The following CEP290 variants were observed in gnomAD, a reference collection of about 807,000 sequenced individuals.
The protein encoded by CEP290 is centrosomal protein of 290 kDa.
Under a neutral mutation model 344.9 loss-of-function variants are expected in CEP290, and 317 were observed. The ratio of observed to expected loss-of-function variants is 0.92; its 90% CI spans 0.84 to 1.01. The LOEUF is 1.01. Among genes scored for constraint, CEP290 ranks in the 50% least tolerant of loss-of-function variants. The pLI is 0.00. For synonymous variants in CEP290, 932 were observed against 895.8 expected (o/e 1.04, Z -0.72); for missense variants, 2,754 against 2,761.4 (o/e 1.00, Z 0.06).
At chr12:88,117,695 A>G (rs1222728772) in intron 17 of CEP290, among the ~76,000 whole-genome samples, 1 of 152,196 alleles carries the variant, frequency 6.6e-6, no homozygotes, top group East Asian at 1.9e-4. Flanking sequence ...TAAACCCAAG[A>G]AAGATGTTAA....
chr12:88,125,494 G>T, intron 12 of CEP290, 125 bp from the exon 13 acceptor site: 1 of 385,354 alleles, frequency 2.6e-6, no homozygotes. Context: ...GTACAAGTAT[G>T]CCTTTTACCA....
Position 88,106,671 on chromosome 12 carries a change from G to A in CEP290, c.2817+4C>T, listed in dbSNP as rs768895932. On this transcript the variant is annotated splice_donor_region_variant and intron_variant, in intron 25 of 53. Coordinates refer to ENST00000552810, the MANE Select transcript of CEP290 (RefSeq NM_025114.4). ...AGAAAAAGCAAAATAAGAATCAGAT[G>A]TACCTTAAATCTTTGCAAACACCCA... 5.7e-6 allele frequency: 9 copies of A among 1,589,632 alleles called. No individual in the cohort carries two copies. The highest frequency in any genetic ancestry group is 1.4e-5 in the African/African-American group (1 of 74,008).
chr12:88,112,878 T>C (rs1027355453), intron 20 of CEP290, among the ~76,000 whole-genome samples: 4 of 152,082 alleles, frequency 2.6e-5, no homozygotes, highest in African/African-American at 4.8e-5. Context: ...TAGTTAGTTG[T>C]CTCATTGAGG....
chr12:88,125,363 G>A lies in CEP290; in HGVS notation c.1072C>T (p.Gln358Ter), dbSNP rs1592656929. Residue 358 changes from glutamine (Q) to a stop codon, truncating the protein, a stop_gained, in exon 13 of 54, where the codon CAG becomes TAG. Coordinates refer to ENST00000552810, the MANE Select transcript of CEP290 (RefSeq NM_025114.4). LOFTEE classifies it high-confidence loss of function. ...SNVMALQQGI[Q>*]ERDSQIKMLT... is the part of the protein sequence containing the mutation. ...ATCTTAATTTGACTGTCTCGTTCCT[G>A]TATACCCTATAAAATATTTTAAAAC... The A allele has an allele frequency of 2.3e-6, 3 of 1,290,904 alleles. No individual in the cohort carries two copies. Among genetic ancestry groups the A allele is most frequent in the Non-Finnish European group, 2.0e-6 (2 of 995,758 alleles). The allele number at this position is 1,290,904 out of a possible 1,614,324, so 80.0% of individuals were successfully genotyped here.
At chr12:88,132,649 CAAA>C (rs2040143551) in intron 6 of CEP290, among the ~76,000 whole-genome samples, 1 of 152,074 alleles carries the variant, frequency 6.6e-6, no homozygotes, top group African/African-American at 2.4e-5. Context: ...AAAATACTGA[CAAA>C]AAGATAAAGC....
Position 88,118,479 on chromosome 12 carries a change from A to G in CEP290, c.1711+4T>C. The G allele has an allele frequency of 6.5e-7, 1 of 1,549,106 alleles. No individual in the cohort carries two copies. The highest frequency in any genetic ancestry group is 8.7e-7 in the Non-Finnish European group (1 of 1,144,082). On this transcript the variant is annotated splice_donor_region_variant and intron_variant, in intron 17 of 53. Transcript: ENST00000552810. ...TTTTAAAGGTTTAGAATAACTGAGT[A>G]TACCTGAAGTTGCACTTCTTTTTCC...
intron 13 of CEP290, 75 bp from the exon 14 acceptor site, chr12:88,121,241 C>T (rs966042226): frequency 5.6e-6 from 6 of 1,079,178 alleles, no homozygotes; most frequent in Non-Finnish European, 8.0e-6. Flanking sequence ...AACATGGTGG[C>T]AAGAAAAGTG....
chr12:88,086,001 A>G (rs1221757138), intron 34 of CEP290, 38 bp downstream of exon 34: 1 of 1,569,160 alleles, frequency 6.4e-7, no homozygotes, highest in African/African-American at 1.4e-5. Context: ...AAACATACCA[A>G]ATAATACACT....
intron 11 of CEP290, among the ~76,000 whole-genome samples, chr12:88,126,913 A>G (rs1478258248): frequency 6.6e-6 from 1 of 152,120 alleles, no homozygotes; most frequent in Non-Finnish European, 1.5e-5. Flanking sequence ...TAACTTTAAC[A>G]CATACCCAAT....
intron 22 of CEP290, among the ~76,000 whole-genome samples, chr12:88,109,551 T>G (rs1305196192): frequency 6.6e-6 from 1 of 152,190 alleles, no homozygotes; most frequent in Admixed American, 6.5e-5. Flanking sequence ...AAATTGAAAT[T>G]TAAATAACTT....
intron 47 of CEP290, 77 bp downstream of exon 47, chr12:88,060,753 A>G: frequency 9.5e-7 from 1 of 1,057,528 alleles, no homozygotes. Context: ...TATAGTAATG[A>G]GCATATTTGA....
intron 51 of CEP290, 132 bp downstream of exon 51, chr12:88,054,208 G>A (rs1198378780): frequency 1.6e-6 from 1 of 613,072 alleles, no homozygotes; most frequent in Non-Finnish European, 2.8e-6. Flanking sequence ...AAGAAATAAG[G>A]ACCTAATAAG....
intron 23 of CEP290, 29 bp from the exon 24 acceptor site, chr12:88,107,127 T>C (rs752685778): frequency 9.2e-6 from 12 of 1,298,678 alleles, no homozygotes; most frequent in African/African-American, 3.0e-5. Context: ...AAAAAGACAA[T>C]ACTGTAAACC....
chr12:88,089,849 C>A (rs1293755359), intron 30 of CEP290, among the ~76,000 whole-genome samples: 2 of 151,788 alleles, frequency 1.3e-5, no homozygotes, highest in African/African-American at 4.8e-5. Context: ...GCCTCAGCCT[C>A]CTGGGTAGCT....
At position 88,136,743 on chromosome 12, in the gene CEP290, C is replaced by T. The variant is rs150296134; in HGVS notation, c.341G>A (p.Arg114His). Reference protein sequence around the residue: ...SAGGRDTRFLRNEICQLEKQL... With the variant: ...SAGGRDTRFLHNEICQLEKQL... ...TTTTTCAAGTTGGCAAATTTCATTA[C>T]GTAAAAACCGAGTATCTCGTCCACC... Residue 114 changes from arginine to histidine, a missense_variant, in exon 6 of 54, where the codon CGT becomes CAT. By Grantham distance (29) the Arg-to-His change is conservative (BLOSUM62 0). Coordinates refer to ENST00000552810, the MANE Select transcript of CEP290 (RefSeq NM_025114.4). 269 of 1,613,600 alleles carry T rather than the reference C, an allele frequency of 1.7e-4. 3 individuals carry two copies. The African/African-American group carries it at 3.1e-3, about 18-fold the overall frequency.
At chr12:88,054,161 G>C (rs1368059961) in intron 51 of CEP290, among the ~76,000 whole-genome samples, 179 bp downstream of exon 51, 1 of 152,074 alleles carries the variant, frequency 6.6e-6, no homozygotes, top group African/African-American at 2.4e-5. Flanking sequence ...TTTTTTTCTA[G>C]TGTGTATTAT....
chr12:88,079,152 A>G lies in CEP290; in HGVS notation c.5304T>C (p.Ser1768=), dbSNP rs2036000779. 6.2e-7 allele frequency: 1 copy of G among 1,604,936 alleles called. No homozygotes were observed. Among genetic ancestry groups the G allele is most frequent in the African/African-American group, 1.3e-5 (1 of 74,442 alleles). ...GAACATTGAGATGGGCCTCTTTTTGAGAAGTTGCAGAAATAATACGTTCTT... is the reference window on the plus strand; with the variant it reads ...GAACATTGAGATGGGCCTCTTTTTGGGAAGTTGCAGAAATAATACGTTCTT... ...AAEERIISAT[S]QKEAHLNVQQ... is the part of the protein sequence containing the mutation. The change falls in exon 39 of 54, where the codon TCT becomes TCC. Residue 1768 remains serine, a synonymous_variant. Coordinates refer to ENST00000552810, the MANE Select transcript of CEP290 (RefSeq NM_025114.4).
intron 6 of CEP290, among the ~76,000 whole-genome samples, chr12:88,133,882 A>G (rs1189610309): frequency 1.3e-5 from 2 of 152,236 alleles, no homozygotes; most frequent in African/African-American, 4.8e-5. Context: ...ATGCTAAAGC[A>G]TTTAATGCTA....
chr12:88,107,116 C>T lies in CEP290; in HGVS notation c.2484-18G>A. ...CCTTTTCACTAAAAACAAAACAAAA[C>T]AAAAAGACAATACTGTAAACCTAAT... On this transcript the variant is annotated intron_variant, in intron 23 of 53. Transcript: ENST00000552810. 7 of 1,376,044 alleles carry T rather than the reference C, an allele frequency of 5.1e-6. No individual in the cohort carries two copies. In the South Asian group the frequency reaches 6.8e-5, roughly 13 times the overall value. 85.2% of individuals were successfully genotyped at this position (1,376,044 alleles called of 1,614,324 possible). A position where few individuals can be genotyped will look rare whatever the true frequency, so the allele number is the denominator to read the frequency against.
Sources: allele counts gnomAD v4.1 joint callset (sites outside exome capture counted in the v4.1 genomes callset), GRCh38; gene constraint gnomAD v4.1.1; transcripts MANE v1.5; gene names NCBI Gene and HGNC (gene_info 2026-07-23, HGNC 2026-07-21).